The following NAA35 variants were observed in gnomAD, a reference collection of about 807,000 sequenced individuals.
NAA35 encodes the protein N-alpha-acetyltransferase 35, NatC auxiliary subunit, also known as MAK10 homolog, amino-acid N-acetyltransferase subunit.
Under a neutral mutation model 101.7 loss-of-function variants are expected in NAA35, and 18 were observed. That is an observed-to-expected ratio of 0.18 (90% CI 0.12 to 0.26). NAA35 has a LOEUF of 0.26. Ranked by LOEUF, NAA35 falls within the 10% of genes least tolerant of loss-of-function variation. The probability of loss-of-function intolerance (pLI) is 1.00; values close to 1 mark genes in which losing one functional copy is unlikely to be tolerated. For missense variants in NAA35, 601 were observed against 886.8 expected, an observed-to-expected ratio of 0.68 and a Z score of 4.09; for synonymous variants, 267 against 273.1, an observed-to-expected ratio of 0.98 and a Z score of 0.22.
chr9:85,972,501 C>T (rs1437228233), intron 6 of NAA35, among the ~76,000 whole-genome samples: 1 of 134,072 alleles, frequency 7.5e-6, no homozygotes, highest in East Asian at 2.1e-4. Context: ...GACAGTGAGA[C>T]CCTGTCTCAA....
Position 86,021,793 on chromosome 9 carries a change from G to T in NAA35, c.2119-108G>T, listed in dbSNP as rs1161845092. The T allele has an allele frequency of 1.2e-5, 11 of 893,890 alleles. No homozygotes were observed. In the East Asian group the frequency reaches 3.1e-4, roughly 25 times the overall value. The allele number at this position is 893,890 out of a possible 1,614,324, so 55.4% of individuals were successfully genotyped here. A position where few individuals can be genotyped will look rare whatever the true frequency, so the allele number is the denominator to read the frequency against. The stretch of plus-strand genomic sequence containing the variant: ...TAGTTTTTAAAATCTATTTTGTGCT[G>T]CCTTGTTTCTAAGAACACAAGAAAC... On this transcript the variant is annotated intron_variant, in intron 22 of 22. Coordinates refer to ENST00000361671, the MANE Select transcript of NAA35 (RefSeq NM_024635.4).
At chr9:86,004,036 A>G (rs114302394) in intron 13 of NAA35, among the ~76,000 whole-genome samples, 2,143 of 152,298 alleles carry the variant, frequency 0.014, 48 homozygotes, top group African/African-American at 0.048. Flanking sequence ...AATGAAAATT[A>G]AAATGTACCC....
intron 6 of NAA35, among the ~76,000 whole-genome samples, chr9:85,966,106 A>AT (rs1478103164): frequency 6.6e-6 from 1 of 152,000 alleles, no homozygotes; most frequent in Non-Finnish European, 1.5e-5. Flanking sequence ...CACGTGGCTA[A>AT]TTTTTAATTT....
chr9:85,966,923 A>G (rs1039595792), intron 6 of NAA35, among the ~76,000 whole-genome samples: 5 of 152,234 alleles, frequency 3.3e-5, no homozygotes, highest in Admixed American at 1.3e-4. Context: ...CCTGGCCAAC[A>G]TGGCGAAACC....
chr9:86,024,154 A>T lies in NAA35; in HGVS notation c.*2194A>T, dbSNP rs1459638408. On this transcript the variant is annotated 3_prime_UTR_variant, in exon 23 of 23. Transcript: ENST00000361671. ...CGACAAATACAGAAAAGCAACAGGT[A>T]TTGAAAATGCAGTGAAGAATATGCT... is the stretch of plus-strand genomic sequence containing the variant. Among the ~76,000 whole-genome samples the T allele has an allele frequency of 6.6e-6, 1 of 152,240 alleles. No individual in the cohort carries two copies. Among genetic ancestry groups the T allele is most frequent in the Non-Finnish European group, 1.5e-5 (1 of 68,040 alleles).
At chr9:85,987,258 C>T (rs1229996485) in intron 11 of NAA35, among the ~76,000 whole-genome samples, 1 of 151,988 alleles carries the variant, frequency 6.6e-6, no homozygotes, top group East Asian at 1.9e-4. Flanking sequence ...GCATATGTGA[C>T]TGAAAAAAGT....
chr9:86,014,453 T>C, intron 17 of NAA35: 8 of 601,692 alleles, frequency 1.3e-5, no homozygotes, highest in Non-Finnish European at 1.7e-5. Flanking sequence ...GAGCATATTT[T>C]AGGCATGTAA....
At chr9:85,941,538 C>A (rs1056586539) in intron 1 of NAA35, 3 of 985,510 alleles carry the variant, frequency 3.0e-6, no homozygotes, top group Non-Finnish European at 3.6e-6. Context: ...TGCTTATGCG[C>A]CCAGTGGGAC....
chr9:86,019,946 C>T (rs1468358206), intron 21 of NAA35, among the ~76,000 whole-genome samples: 2 of 152,116 alleles, frequency 1.3e-5, no homozygotes, highest in Non-Finnish European at 1.5e-5. Context: ...AATTATGATA[C>T]ATTCATACAG....
At chr9:85,953,635 G>A (rs1442368895) in intron 2 of NAA35, among the ~76,000 whole-genome samples, 1 of 151,788 alleles carries the variant, frequency 6.6e-6, no homozygotes, top group Non-Finnish European at 1.5e-5. Context: ...CACCACATTG[G>A]CCAGGCTGGT....
At chr9:85,948,288 A>G (rs537709956) in intron 2 of NAA35, among the ~76,000 whole-genome samples, 14 of 152,234 alleles carry the variant, frequency 9.2e-5, no homozygotes, top group African/African-American at 3.1e-4. Context: ...TTTACCCAAA[A>G]ATTGGTGTAC....
rs17051502 is a variant in NAA35, at chr9:85,960,300, A to G, written c.348+433A>G. ...GAAGAAAATTTTTTTAGTGATTTGT[A>G]TATGCTGAATTATGTCTTCCCTAGA... On this transcript the variant is annotated intron_variant, in intron 5 of 22. Transcript: ENST00000361671. Among the ~76,000 whole-genome samples the G allele has an allele frequency of 9.5e-3, 1,444 of 152,190 alleles. 28 individuals carry two copies. The highest frequency in any genetic ancestry group is 0.034 in the African/African-American group (1,392 of 41,532).
intron 12 of NAA35, 132 bp downstream of exon 12, chr9:85,996,709 G>T: frequency 1.7e-6 from 1 of 584,858 alleles, no homozygotes; most frequent in South Asian, 2.6e-5. Flanking sequence ...ATTGACCAAG[G>T]GTAAATACTA....
intron 12 of NAA35, among the ~76,000 whole-genome samples, chr9:86,003,308 A>G (rs1322432635): frequency 6.6e-6 from 1 of 152,188 alleles, no homozygotes. Flanking sequence ...GTAAATTATT[A>G]TTGGTATTAT....
chr9:86,014,354 T>C, intron 17 of NAA35: 1 of 981,514 alleles, frequency 1.0e-6, no homozygotes, highest in Non-Finnish European at 1.2e-6. Context: ...TTGGAGTTGA[T>C]AAAAGATGAT....
chr9:85,973,988 ACT>A (rs1253429546), intron 6 of NAA35, among the ~76,000 whole-genome samples: 2 of 151,162 alleles, frequency 1.3e-5, no homozygotes, highest in African/African-American at 2.4e-5. Context: ...GCAGAGTCTC[ACT>A]CTGTCGCCCA....
At chr9:86,016,302 A>G (rs554547839) in intron 17 of NAA35, among the ~76,000 whole-genome samples, 68 of 152,322 alleles carry the variant, frequency 4.5e-4, no homozygotes, top group African/African-American at 1.5e-3. Flanking sequence ...ATGGGCATTC[A>G]TTTGATTTGC....
chr9:85,946,337 C>T (rs1220531367), intron 2 of NAA35, among the ~76,000 whole-genome samples: 11 of 152,002 alleles, frequency 7.2e-5, no homozygotes, highest in Admixed American at 6.6e-4. Context: ...CATTATGTTA[C>T]GTAGGCTGGT....
intron 21 of NAA35, 149 bp from the exon 22 acceptor site, chr9:86,020,740 A>C: frequency 2.0e-6 from 1 of 507,426 alleles, no homozygotes; most frequent in Non-Finnish European, 3.5e-6. Context: ...CTGAAGTAGG[A>C]GGATTGCCTG....
Sources: gnomAD v4.1 joint callset for allele counts (sites outside exome capture counted in the v4.1 genomes callset) on GRCh38, gnomAD v4.1.1 for gene constraint, MANE v1.5 for transcripts, NCBI Gene and HGNC (gene_info 2026-07-23, HGNC 2026-07-21) for gene names.